CPA6: variants seen among roughly 807,000 people sequenced by gnomAD.
CPA6 encodes the protein carboxypeptidase A6.
Under a neutral mutation model 63.3 loss-of-function variants are expected in CPA6, and 58 were observed. The ratio of observed to expected loss-of-function variants is 0.92; its 90% confidence interval spans 0.74 to 1.14. CPA6 has a LOEUF of 1.14. Among genes scored for constraint, CPA6 ranks in the 50% most tolerant of loss-of-function variants. CPA6 has a pLI of 0.00. For synonymous variants in CPA6, 185 were observed against 179.0 expected (o/e 1.03, Z -0.27); for missense variants, 565 against 526.6 (o/e 1.07, Z -0.71).
chr8:67,611,121 C>T (rs1162755515), intron 2 of CPA6, among the ~76,000 whole-genome samples: 2 of 150,242 alleles, frequency 1.3e-5, no homozygotes, highest in Middle Eastern at 3.5e-3. Flanking sequence ...ATTGCTCTGT[C>T]GCCTGGGTTA....
intron 8 of CPA6, among the ~76,000 whole-genome samples, chr8:67,479,572 C>T (rs554046002): frequency 1.3e-5 from 2 of 152,242 alleles, no homozygotes; most frequent in East Asian, 3.9e-4. Flanking sequence ...GTAGATTGTA[C>T]TGAATATTAC....
intron 1 of CPA6, among the ~76,000 whole-genome samples, chr8:67,745,490 AC>A (rs1157082530): frequency 6.6e-5 from 10 of 152,178 alleles, no homozygotes; most frequent in African/African-American, 2.4e-4. Flanking sequence ...ACAGTTGACT[AC>A]TTTTATTCTG....
chr8:67,635,150 AG>A lies in CPA6; in HGVS notation c.117-10900del, dbSNP rs545682886. On this transcript the variant is annotated intron_variant, in intron 1 of 10. Coordinates refer to ENST00000297770, the MANE Select transcript of CPA6 (RefSeq NM_020361.5). ...TGATCCTTCCACCTCGGCCTCTTAA[AG>A]TGTTGGGTTTACAGGCATGAGCCAT... Among the ~76,000 whole-genome samples, 59 of 151,724 alleles carry A rather than the reference AG, an allele frequency of 3.9e-4. 5 individuals are homozygous for A. Among genetic ancestry groups the A allele is most frequent in the African/African-American group, 1.4e-3 (57 of 41,000 alleles).
Position 67,746,156 on chromosome 8 carries a change from T to C in CPA6, c.-27A>G. On this transcript the variant is annotated 5_prime_UTR_variant, in exon 1 of 11. Coordinates refer to ENST00000297770, the MANE Select transcript of CPA6 (RefSeq NM_020361.5). ...GTGTTAAGAAGAGAGGAGTTGAAAG[T>C]TACTTAAGCAGCCACCCGAGGCTGG... 1 of 1,575,014 alleles carries C rather than the reference T, an allele frequency of 6.3e-7. No homozygotes were observed. The highest frequency in any genetic ancestry group is 8.7e-7 in the Non-Finnish European group (1 of 1,150,558).
intron 1 of CPA6, among the ~76,000 whole-genome samples, chr8:67,663,010 G>A (rs1192290449): frequency 1.3e-5 from 2 of 152,070 alleles, no homozygotes; most frequent in Non-Finnish European, 2.9e-5. Flanking sequence ...TGAGGCTGCG[G>A]GCCACTGTTG....
intron 1 of CPA6, among the ~76,000 whole-genome samples, chr8:67,669,880 G>A (rs893175707): frequency 6.6e-6 from 1 of 152,008 alleles, no homozygotes. Context: ...TTCAGTATCT[G>A]TAAATAACAA....
chr8:67,565,345 G>C (rs574825873), intron 2 of CPA6, among the ~76,000 whole-genome samples: 1 of 152,086 alleles, frequency 6.6e-6, no homozygotes, highest in Non-Finnish European at 1.5e-5. Context: ...GACAAGAAAC[G>C]TTCTGTCAGC....
At chr8:67,647,498 G>C (rs1272873036) in intron 1 of CPA6, among the ~76,000 whole-genome samples, 1 of 152,102 alleles carries the variant, frequency 6.6e-6, no homozygotes, top group Non-Finnish European at 1.5e-5. Context: ...TCTTGGATAT[G>C]TTAATTTGAG....
chr8:67,495,893 G>T (rs1011043442), intron 6 of CPA6, among the ~76,000 whole-genome samples: 2 of 152,104 alleles, frequency 1.3e-5, no homozygotes, highest in African/African-American at 4.8e-5. Context: ...AACTCTGCCT[G>T]GCTTCCAAGG....
At chr8:67,717,245 A>C (rs537290215) in intron 1 of CPA6, among the ~76,000 whole-genome samples, 8 of 152,300 alleles carry the variant, frequency 5.3e-5, no homozygotes, top group African/African-American at 1.9e-4. Flanking sequence ...GTGTGTTTTC[A>C]ATCCAAATTG....
At chr8:67,647,240 A>G (rs948701720) in intron 1 of CPA6, among the ~76,000 whole-genome samples, 1 of 152,174 alleles carries the variant, frequency 6.6e-6, no homozygotes. Flanking sequence ...AATGAGTTTG[A>G]GAACATTGGA....
intron 2 of CPA6, among the ~76,000 whole-genome samples, chr8:67,607,075 T>G (rs1262158146): frequency 6.6e-6 from 1 of 151,332 alleles, no homozygotes; most frequent in East Asian, 1.9e-4. Flanking sequence ...CAAATCTGTC[T>G]TCTTCTTCTT....
chr8:67,590,971 T>C (rs1004981731), intron 2 of CPA6, among the ~76,000 whole-genome samples: 24 of 152,296 alleles, frequency 1.6e-4, no homozygotes, highest in Admixed American at 9.2e-4. Context: ...ATGCCTATGT[T>C]CTGAATGGTA....
At chr8:67,735,677 C>CTTTTTTTTTTTTTT (rs199533677) in intron 1 of CPA6, 3 of 145,190 alleles carry the variant, frequency 2.1e-5, no homozygotes, top group Non-Finnish European at 3.0e-5. Flanking sequence ...TAGTGGCAGT[C>CTTTTTTTTTTTTTT]TTTTTTTTTT....
chr8:67,684,067 T>C (rs1816657382), intron 1 of CPA6, among the ~76,000 whole-genome samples: 2 of 146,974 alleles, frequency 1.4e-5, no homozygotes, highest in Admixed American at 1.4e-4. Context: ...TTTTTTTTTT[T>C]GTAGAGATGG....
At chr8:67,722,052 T>C (rs1817511314) in intron 1 of CPA6, among the ~76,000 whole-genome samples, 2 of 152,362 alleles carry the variant, frequency 1.3e-5, no homozygotes, top group Non-Finnish European at 2.9e-5. Flanking sequence ...TTGTATGTCA[T>C]ATTCCTTTCT....
intron 2 of CPA6, among the ~76,000 whole-genome samples, chr8:67,618,148 C>T (rs1466471085): frequency 2.0e-5 from 3 of 152,136 alleles, no homozygotes; most frequent in African/African-American, 7.2e-5. Flanking sequence ...TGCACCAGGG[C>T]CAAGAGTCTT....
intron 2 of CPA6, among the ~76,000 whole-genome samples, chr8:67,524,090 G>T (rs547035453): frequency 3.3e-5 from 5 of 152,274 alleles, no homozygotes; most frequent in South Asian, 2.1e-4. Flanking sequence ...ATCCTGCAAA[G>T]TACCTTATTT....
chr8:67,615,055 A>G (rs1252437797), intron 2 of CPA6, among the ~76,000 whole-genome samples: 1 of 152,150 alleles, frequency 6.6e-6, no homozygotes, highest in African/African-American at 2.4e-5. Flanking sequence ...ACTCGTTTAT[A>G]AGGTTGTGCC....
Sources: allele counts gnomAD v4.1 joint callset (sites outside exome capture counted in the v4.1 genomes callset), GRCh38; gene constraint gnomAD v4.1.1; transcripts MANE v1.5; gene names NCBI Gene and HGNC (gene_info 2026-07-23, HGNC 2026-07-21).